NELL1: variants seen among roughly 807,000 people sequenced by gnomAD.
NELL1 encodes the protein neural EGFL like 1.
NELL1 carries 76 observed loss-of-function variants against 107.4 expected under a neutral mutation model. The ratio of observed to expected loss-of-function variants is 0.71; its 90% CI spans 0.59 to 0.86. The LOEUF (loss-of-function observed/expected upper bound fraction) is 0.86, where lower values mean the gene tolerates loss of function less well. Ranked by LOEUF, NELL1 falls within the 40% of genes least tolerant of loss-of-function variation. The pLI, the probability that NELL1 is intolerant of heterozygous loss-of-function variation, is 0.00. For missense variants in NELL1, 1,024 were observed against 1,005.5 expected (o/e 1.02, Z -0.25); for synonymous variants, 353 against 341.2 (o/e 1.03, Z -0.38).
chr11:21,380,405 G>A (rs1334187743), intron 15 of NELL1, among the ~76,000 whole-genome samples: 1 of 152,020 alleles, frequency 6.6e-6, no homozygotes, highest in Non-Finnish European at 1.5e-5. Flanking sequence ...CAGAAATTAA[G>A]AATGGCAGAA....
intron 10 of NELL1, among the ~76,000 whole-genome samples, chr11:20,943,868 G>T (rs753412153): frequency 1.3e-5 from 2 of 152,168 alleles, no homozygotes; most frequent in Admixed American, 6.5e-5. Context: ...TCATTTTTCA[G>T]TCTATCTGAG....
At chr11:21,330,745 G>A (rs1850255892) in intron 14 of NELL1, among the ~76,000 whole-genome samples, 1 of 151,794 alleles carries the variant, frequency 6.6e-6, no homozygotes, top group African/African-American at 2.4e-5. Context: ...GAGCTTCTTG[G>A]ATGTGTCAAT....
intron 15 of NELL1, among the ~76,000 whole-genome samples, chr11:21,393,342 A>C (rs1377818141): frequency 6.6e-6 from 1 of 151,726 alleles, no homozygotes; most frequent in Non-Finnish European, 1.5e-5. Flanking sequence ...AAGCTTTGAT[A>C]GCTGTGGGCA....
intron 2 of NELL1, chr11:20,770,873 T>G (rs327028): frequency 0.9 from 136,609 of 151,808 alleles, 61,644 homozygotes; most frequent in Admixed American, 0.95. Flanking sequence ...CTGTGGAAAA[T>G]AATTTTTCCC....
chr11:21,169,474 G>T (rs1164310808), intron 13 of NELL1, among the ~76,000 whole-genome samples: 2 of 151,732 alleles, frequency 1.3e-5, no homozygotes, highest in Non-Finnish European at 2.9e-5. Context: ...GAACTCCAGG[G>T]TATACATTTC....
At chr11:21,244,462 G>A (rs541822492) in intron 14 of NELL1, among the ~76,000 whole-genome samples, 1 of 152,258 alleles carries the variant, frequency 6.6e-6, no homozygotes, top group South Asian at 2.1e-4. Context: ...ATACTTGAAT[G>A]CTGAATGTAC....
chr11:21,274,528 T>G (rs11025996), intron 14 of NELL1, among the ~76,000 whole-genome samples: 29,117 of 152,092 alleles, frequency 0.19, 3,221 homozygotes, highest in East Asian at 0.35. Context: ...CGAATTGAAC[T>G]CAGCTCTGCA....
chr11:21,184,354 C>A (rs1291254021), intron 13 of NELL1, among the ~76,000 whole-genome samples: 1 of 151,658 alleles, frequency 6.6e-6, no homozygotes, highest in Admixed American at 6.6e-5. Context: ...CTGCAACCTC[C>A]GCCTCCTGGG....
At chr11:20,884,262 C>T (rs1241775115) in intron 4 of NELL1, among the ~76,000 whole-genome samples, 1 of 152,234 alleles carries the variant, frequency 6.6e-6, no homozygotes, top group African/African-American at 2.4e-5. Flanking sequence ...TCTTTCAGTT[C>T]TTCTGCACTT....
Position 21,560,041 on chromosome 11 carries a change from A to G in NELL1, c.1787-148A>G, listed in dbSNP as rs769008371. The G allele has an allele frequency of 1.1e-4, 81 of 729,400 alleles. 1 individual carries two copies. The highest frequency in any genetic ancestry group is 1.7e-4 in the Non-Finnish European group (68 of 411,202). 45.2% of individuals were successfully genotyped at this position (729,400 alleles called of 1,614,324 possible). A position where few individuals can be genotyped will look rare whatever the true frequency, so the allele number is the denominator to read the frequency against. Reference sequence around the variant, plus strand: ...ACAGAGCAGAACTGACTTGCAGTGTAAATGAGATAATACATGTGAACAGCT... The same window carrying G: ...ACAGAGCAGAACTGACTTGCAGTGTGAATGAGATAATACATGTGAACAGCT... On this transcript the variant is annotated intron_variant, in intron 16 of 19. Transcript: ENST00000357134.
chr11:21,395,230 G>A (rs372792418), intron 15 of NELL1, among the ~76,000 whole-genome samples: 16 of 151,476 alleles, frequency 1.1e-4, no homozygotes, highest in East Asian at 9.8e-4. Context: ...GTGACTGACA[G>A]CTTTAGCCTC....
At chr11:21,030,373 T>C (rs1032363937) in intron 12 of NELL1, among the ~76,000 whole-genome samples, 23 of 152,192 alleles carry the variant, frequency 1.5e-4, no homozygotes, top group South Asian at 2.1e-4. Context: ...ACAGCAGTTA[T>C]ACATGAAATG....
intron 3 of NELL1, among the ~76,000 whole-genome samples, chr11:20,818,731 T>A (rs112756391): frequency 9.1e-4 from 139 of 152,214 alleles, no homozygotes; most frequent in African/African-American, 3.3e-3. Context: ...CCCAAATGGG[T>A]CCCAAGGGCC....
At chr11:21,098,025 C>T (rs1223724856) in intron 12 of NELL1, among the ~76,000 whole-genome samples, 1 of 150,574 alleles carries the variant, frequency 6.6e-6, no homozygotes, top group African/African-American at 2.4e-5. Flanking sequence ...TCATGCAGAG[C>T]ATATATCCCC....
intron 13 of NELL1, among the ~76,000 whole-genome samples, chr11:21,128,322 A>G (rs1855534927): frequency 2.0e-5 from 3 of 152,142 alleles, no homozygotes; most frequent in Non-Finnish European, 4.4e-5. Flanking sequence ...GTCCTTTAAA[A>G]TTTGAAGAGT....
At chr11:21,203,567 A>G (rs1857320802) in intron 13 of NELL1, among the ~76,000 whole-genome samples, 1 of 151,604 alleles carries the variant, frequency 6.6e-6, no homozygotes, top group Non-Finnish European at 1.5e-5. Flanking sequence ...ACTTTATCCA[A>G]TTTGCCAGTC....
At chr11:21,094,484 T>A (rs1052805329) in intron 12 of NELL1, among the ~76,000 whole-genome samples, 1 of 152,216 alleles carries the variant, frequency 6.6e-6, no homozygotes, top group African/African-American at 2.4e-5. Flanking sequence ...AGGGTCTCTG[T>A]GTGGGGGCTC....
At chr11:21,334,750 G>A (rs140369032) in intron 14 of NELL1, among the ~76,000 whole-genome samples, 1 of 152,080 alleles carries the variant, frequency 6.6e-6, no homozygotes, top group Non-Finnish European at 1.5e-5. Context: ...TGGCGACTGT[G>A]TCGTTGAGTA....
rs59420226 is a variant in NELL1 at position 21,318,031 on chromosome 11, T to C, written c.1550-52822T>C. Among the ~76,000 whole-genome samples the C allele has an allele frequency of 4.4e-3, 663 of 152,034 alleles. 4 individuals carry two copies. The highest frequency in any genetic ancestry group is 0.015 in the African/African-American group (635 of 41,456). On this transcript the variant is annotated intron_variant, in intron 14 of 19. Coordinates refer to ENST00000357134, the MANE Select transcript of NELL1 (RefSeq NM_006157.5). ...ATGTGCTTTCAAATGAAGGCTATCA[T>C]TTCCAGAAGACAGCTATTAATCCTG... is the stretch of plus-strand genomic sequence containing the variant.
Sources: allele counts gnomAD v4.1 joint callset (sites outside exome capture counted in the v4.1 genomes callset), GRCh38; gene constraint gnomAD v4.1.1; transcripts MANE v1.5; gene names NCBI Gene and HGNC (gene_info 2026-07-23, HGNC 2026-07-21).